The following GARNL3 variants were observed in gnomAD, a reference collection of about 807,000 sequenced individuals.
The protein encoded by GARNL3 is GTPase-activating Rap/Ran-GAP domain-like protein 3.
GARNL3 carries 63 observed loss-of-function variants against 125.0 expected under a neutral mutation model. The ratio of observed to expected loss-of-function variants is 0.50; its 90% CI spans 0.41 to 0.62. GARNL3 has a LOEUF of 0.62. Among genes scored for constraint, GARNL3 ranks in the 20% least tolerant of loss-of-function variants. GARNL3 has a pLI of 0.00. For synonymous variants in GARNL3, 439 were observed against 457.5 expected (o/e 0.96, Z 0.52); for missense variants, 994 against 1,244.0 (o/e 0.80, Z 3.02).
intron 2 of GARNL3, among the ~76,000 whole-genome samples, chr9:127,248,798 C>T (rs1029656600): frequency 1.3e-4 from 19 of 151,494 alleles, no homozygotes; most frequent in African/African-American, 4.4e-4. Flanking sequence ...TTGGTAGAGA[C>T]ATGGTTTCGC....
At chr9:127,329,617 T>TA (rs398096678) in intron 7 of GARNL3, among the ~76,000 whole-genome samples, 6 of 151,746 alleles carry the variant, frequency 4.0e-5, no homozygotes, top group Admixed American at 2.6e-4. Context: ...TAAAACCTTT[T>TA]AAAAGCATTG....
intron 1 of GARNL3, among the ~76,000 whole-genome samples, chr9:127,227,060 A>G (rs1047997586): frequency 3.3e-5 from 5 of 152,206 alleles, no homozygotes; most frequent in Admixed American, 2.0e-4. Context: ...TGAATTTTAC[A>G]TTTTATTTAG....
At chr9:127,245,314 TA>T (rs890423422) in intron 2 of GARNL3, 5 of 152,272 alleles carry the variant, frequency 3.3e-5, no homozygotes, top group Admixed American at 2.6e-4. Context: ...TGAATCCGAT[TA>T]GGGGTGGGAC....
At chr9:127,241,488 T>C (rs2063203385) in intron 1 of GARNL3, among the ~76,000 whole-genome samples, 1 of 151,624 alleles carries the variant, frequency 6.6e-6, no homozygotes, top group African/African-American at 2.4e-5. Context: ...GACTTGAGCC[T>C]TTGATGTCTA....
At chr9:127,313,353 A>G (rs1167961686) in intron 3 of GARNL3, 88 bp from the exon 4 acceptor site, 2 of 883,900 alleles carry the variant, frequency 2.3e-6, no homozygotes, top group Non-Finnish European at 3.9e-6. Flanking sequence ...GCATGTGGGA[A>G]GGGCTGGACA....
At chr9:127,336,546 G>C (rs1347423228) in intron 11 of GARNL3, among the ~76,000 whole-genome samples, 6 of 152,144 alleles carry the variant, frequency 3.9e-5, no homozygotes, top group African/African-American at 1.2e-4. Flanking sequence ...AAGAATTATA[G>C]GTGCTGAATT....
At chr9:127,333,189 C>A in intron 9 of GARNL3, 68 bp downstream of exon 9, 1 of 1,258,414 alleles carries the variant, frequency 7.9e-7, no homozygotes. Flanking sequence ...TGACCCGTGT[C>A]TGAACTTATA....
chr9:127,370,590 G>T (rs531021300), intron 22 of GARNL3, among the ~76,000 whole-genome samples: 6 of 152,302 alleles, frequency 3.9e-5, no homozygotes, highest in Non-Finnish European at 8.8e-5. Flanking sequence ...GTATCAGAGA[G>T]CCATATCAGA....
intron 7 of GARNL3, among the ~76,000 whole-genome samples, chr9:127,331,855 C>G (rs748700404): frequency 1.8e-4 from 27 of 151,428 alleles, no homozygotes; most frequent in Non-Finnish European, 2.5e-4. Flanking sequence ...AATATATCAG[C>G]CTGAGATTAT....
intron 2 of GARNL3, among the ~76,000 whole-genome samples, chr9:127,252,482 A>C (rs2063422930): frequency 6.6e-6 from 1 of 152,200 alleles, no homozygotes; most frequent in Non-Finnish European, 1.5e-5. Flanking sequence ...ATGGGAAGGC[A>C]CTATGATGAT....
At chr9:127,245,079 G>A (rs1045323407) in intron 2 of GARNL3, among the ~76,000 whole-genome samples, 1 of 152,148 alleles carries the variant, frequency 6.6e-6, no homozygotes, top group Non-Finnish European at 1.5e-5. Flanking sequence ...TTAGGAAAAG[G>A]AATTTGTGTC....
At chr9:127,336,258 G>A (rs767772451) in intron 11 of GARNL3, 22 bp downstream of exon 11, 6 of 1,539,606 alleles carry the variant, frequency 3.9e-6, no homozygotes, top group East Asian at 4.5e-5. Context: ...CTTTGTAAAT[G>A]CTCCAGTGTG....
At chr9:127,355,617 T>C in intron 20 of GARNL3, 145 bp downstream of exon 20, 1 of 747,816 alleles carries the variant, frequency 1.3e-6, no homozygotes, top group Non-Finnish European at 2.3e-6. Flanking sequence ...GTGCCCTTGT[T>C]TCCCCCAGAA....
intron 4 of GARNL3, among the ~76,000 whole-genome samples, chr9:127,316,214 C>A (rs766871999): frequency 1.3e-5 from 2 of 152,162 alleles, no homozygotes; most frequent in Non-Finnish European, 2.9e-5. Flanking sequence ...TGCTGTGCCA[C>A]ACATTCCCCC....
rs1404672459 is a variant in GARNL3, at chr9:127,280,423, C to G, written c.145-10745C>G. On this transcript the variant is annotated intron_variant, in intron 1 of 27. Coordinates refer to ENST00000373387, the MANE Select transcript of GARNL3 (RefSeq NM_032293.5). This position sits in a 1 kb window ranked among gnomAD's most constrained non-coding sequence, Gnocchi z 4.5. The stretch of plus-strand genomic sequence containing the variant: ...TGTCCATGCAGTAAAAAGATGATTC[C>G]TAGTGTTTTATTCTTACTCTTCTGA... 1.3e-5 allele frequency among the ~76,000 whole-genome samples: 2 copies of G among 152,150 alleles called. No individual in the cohort carries two copies. Among genetic ancestry groups the G allele is most frequent in the Non-Finnish European group, 2.9e-5 (2 of 68,018 alleles).
intron 2 of GARNL3, among the ~76,000 whole-genome samples, chr9:127,295,377 A>G (rs2064557051): frequency 6.6e-6 from 1 of 152,224 alleles, no homozygotes; most frequent in Non-Finnish European, 1.5e-5. Context: ...CTTTGCCAGC[A>G]GTTAGCTGAT....
rs540243997 is a variant in GARNL3, at chr9:127,370,994, AG to A, written c.2161+5629del. On this transcript the variant is annotated intron_variant, in intron 22 of 27. Coordinates refer to ENST00000373387, the MANE Select transcript of GARNL3 (RefSeq NM_032293.5). ...ACTCAACCTGTCCACCCTGAACTCG[AG>A]ATCTTTCCTCCTCACATGTGCTCCT... Among the ~76,000 whole-genome samples, 6 of 152,220 alleles carry A rather than the reference AG, an allele frequency of 3.9e-5. No homozygotes were observed. The East Asian group carries it at 1.2e-3, about 29-fold the overall frequency.
intron 2 of GARNL3, among the ~76,000 whole-genome samples, chr9:127,306,491 G>A (rs1465114713): frequency 6.6e-6 from 1 of 152,210 alleles, no homozygotes; most frequent in African/African-American, 2.4e-5. Flanking sequence ...ACTTTGGGAG[G>A]CCGAGGCGGG....
At chr9:127,292,009 A>G (rs2064436008) in intron 2 of GARNL3, among the ~76,000 whole-genome samples, 1 of 152,094 alleles carries the variant, frequency 6.6e-6, no homozygotes, top group Non-Finnish European at 1.5e-5. Context: ...TGCCTGGCAC[A>G]TAGTAAGCTT....
Sources: allele counts gnomAD v4.1 joint callset (sites outside exome capture counted in the v4.1 genomes callset), GRCh38; gene constraint gnomAD v4.1.1; non-coding constraint Gnocchi (gnomAD v3.1); transcripts MANE v1.5; gene names NCBI Gene and HGNC (gene_info 2026-07-23, HGNC 2026-07-21).